NSL1: variants seen among roughly 807,000 people sequenced by gnomAD.
The protein encoded by NSL1 is kinetochore-associated protein NSL1 homolog.
A neutral mutation model predicts 25.4 loss-of-function variants in NSL1; 11 were observed. The ratio of observed to expected loss-of-function variants is 0.43; its 90% CI spans 0.27 to 0.72. The LOEUF is 0.72. Among genes scored for constraint, NSL1 ranks in the 30% least tolerant of loss-of-function variants. The probability of loss-of-function intolerance (pLI) is 0.19; values close to 1 mark genes in which losing one functional copy is unlikely to be tolerated. For missense variants in NSL1, 330 were observed against 342.7 expected (o/e 0.96, Z 0.29); for synonymous variants, 118 against 120.6 (o/e 0.98, Z 0.14).
In NSL1 at chr1:212,739,971, G is replaced by T. The variant is rs141349638; in HGVS notation, c.500-370C>A. Reference sequence around the variant, plus strand: ...AATTTTATAAAAGTAACACATATTCGATCTTAGAATATACAATCACACTGC... The same window carrying T: ...AATTTTATAAAAGTAACACATATTCTATCTTAGAATATACAATCACACTGC... On this transcript the variant is annotated intron_variant, in intron 4 of 5. Coordinates refer to ENST00000366977, the MANE Select transcript of NSL1 (RefSeq NM_015471.4). Among the ~76,000 whole-genome samples, 209 of 152,070 alleles carry T rather than the reference G, an allele frequency of 1.4e-3. 1 individual carries two copies. The highest frequency in any genetic ancestry group is 3.4e-3 in the Middle Eastern group (1 of 294).
Position 212,745,172 on chromosome 1 carries a change from A to AC in NSL1, c.500-5572_500-5571insG, listed in dbSNP as rs1220047100. 1.2e-3 allele frequency among the ~76,000 whole-genome samples: 35 copies of AC among 28,724 alleles called. No homozygotes were observed. In the South Asian group the frequency reaches 0.015, roughly 12 times the overall value. 18.8% of individuals were successfully genotyped at this position (28,724 alleles called of 152,430 possible). A position where few individuals can be genotyped will look rare whatever the true frequency, so the allele number is the denominator to read the frequency against. ...ACAAACAAACAAACTATATATATATATATATATATATATATATATATATAT... is the reference window on the plus strand; with the variant it reads ...ACAAACAAACAAACTATATATATATACTATATATATATATATATATATATAT... On this transcript the variant is annotated intron_variant, in intron 4 of 5. Coordinates refer to ENST00000366977, the MANE Select transcript of NSL1 (RefSeq NM_015471.4).
rs1270356794 is a variant in NSL1, at chr1:212,726,445, CCTG to C, written c.*11960_*11962del. 3.9e-5 allele frequency: 6 copies of C among 152,250 alleles called. No homozygotes were observed. Among genetic ancestry groups the C allele is most frequent in the African/African-American group, 1.4e-4 (6 of 41,426 alleles). 9.4% of individuals were successfully genotyped at this position (152,250 alleles called of 1,614,324 possible). ...GAAGACTTGGTATTTTTCAGATTTCCCTGCTGTTTATCAAGATGGCATATGGGT... is the reference window on the plus strand; with the variant it reads ...GAAGACTTGGTATTTTTCAGATTTCCCTGTTTATCAAGATGGCATATGGGT... On this transcript the variant is annotated 3_prime_UTR_variant, in exon 6 of 6. Transcript: ENST00000366977.
At chr1:212,746,820 A>T (rs1342968065) in intron 4 of NSL1, among the ~76,000 whole-genome samples, 2 of 152,254 alleles carry the variant, frequency 1.3e-5, no homozygotes, top group African/African-American at 2.4e-5. Flanking sequence ...CCACAACAAA[A>T]AATAAGCATC....
chr1:212,784,364 A>G lies in NSL1; in HGVS notation c.443T>C (p.Leu148Pro). Residue 148 changes from leucine to proline, a missense_variant and splice_region_variant, in exon 3 of 6, where the codon CTG (leucine) becomes CCG (proline). Transcript: ENST00000366977. ...CATTTTAAAGGCAAATCATCTTACC[A>G]GAATTTCTTGTTTTGCTTTTATGGT... ...IKTIKAKQEI[L>P]KQYHPVVHPL... The G allele has an allele frequency of 1.3e-6, 2 of 1,566,398 alleles. No individual in the cohort carries two copies. The highest frequency in any genetic ancestry group is 1.8e-5 in the Admixed American group (1 of 55,788).
Position 212,736,640 on chromosome 1 carries a change from C to G in NSL1, c.*1768G>C, listed in dbSNP as rs1324163091. ...TATAACTATGGAGTAAAACTTTGGG[C>G]TCTCAAGAGGATTTCAAATCTCAGC... On this transcript the variant is annotated 3_prime_UTR_variant, in exon 6 of 6. Coordinates refer to ENST00000366977, the MANE Select transcript of NSL1 (RefSeq NM_015471.4). The G allele has an allele frequency of 2.0e-6, 2 of 985,144 alleles. No homozygotes were observed. Among genetic ancestry groups the G allele is most frequent in the Admixed American group, 1.2e-4 (2 of 16,270 alleles). The allele number at this position is 985,144 out of a possible 1,614,324, so 61.0% of individuals were successfully genotyped here. A position where few individuals can be genotyped will look rare whatever the true frequency, so the allele number is the denominator to read the frequency against.
rs541023461 is a variant in NSL1, at chr1:212,733,785, T to C, written c.*4623A>G. On this transcript the variant is annotated 3_prime_UTR_variant, in exon 6 of 6. Transcript: ENST00000366977. ...ACAAACATTTGTGTGTAAGTTATTG[T>C]GTGAGCATGTTTTCAATTCTCTTAG... Among the ~76,000 whole-genome samples, 1 of 152,374 alleles carries C rather than the reference T, an allele frequency of 6.6e-6. No individual in the cohort carries two copies. Among genetic ancestry groups the C allele is most frequent in the Admixed American group, 6.5e-5 (1 of 15,310 alleles).
chr1:212,779,590 C>T (rs1279195820), intron 4 of NSL1, among the ~76,000 whole-genome samples: 4 of 122,042 alleles, frequency 3.3e-5, no homozygotes, highest in Non-Finnish European at 6.9e-5. Flanking sequence ...CCAGCCACCC[C>T]GTCCGGGAGG....
rs1407261988 is a variant in NSL1 at position 212,737,047 on chromosome 1, A to G, written c.*1361T>C. ...AACAGCAACATATTATACAGCCTCA[A>G]AACAGTTTTAAACTGAAGTCTAGTA... On this transcript the variant is annotated 3_prime_UTR_variant, in exon 6 of 6. Coordinates refer to ENST00000366977, the MANE Select transcript of NSL1 (RefSeq NM_015471.4). 2.0e-6 allele frequency: 2 copies of G among 985,310 alleles called. No individual in the cohort carries two copies. The highest frequency in any genetic ancestry group is 3.5e-5 in the African/African-American group (2 of 57,246). 61.0% of individuals were successfully genotyped at this position (985,310 alleles called of 1,614,324 possible).
rs1294013713 is a variant in NSL1 at position 212,735,088 on chromosome 1, TATGTAACTTGCCCA to T, written c.*3306_*3319del. On this transcript the variant is annotated 3_prime_UTR_variant, in exon 6 of 6. Coordinates refer to ENST00000366977, the MANE Select transcript of NSL1 (RefSeq NM_015471.4). Reference sequence around the variant, plus strand: ...TGAGAAAACTGCAGCATAGACAGGTTATGTAACTTGCCCAATGTCACTGAACTAATAATGGTAGA... The same window carrying T: ...TGAGAAAACTGCAGCATAGACAGGTTATGTCACTGAACTAATAATGGTAGA... Among the ~76,000 whole-genome samples the T allele has an allele frequency of 6.6e-6, 1 of 152,246 alleles. No individual in the cohort carries two copies. The highest frequency in any genetic ancestry group is 1.5e-5 in the Non-Finnish European group (1 of 68,040).
At chr1:212,784,908 A>G (rs2102404537) in intron 2 of NSL1, among the ~76,000 whole-genome samples, 1 of 152,362 alleles carries the variant, frequency 6.6e-6, no homozygotes, top group South Asian at 2.1e-4. Flanking sequence ...TTGAAATAGA[A>G]GTATAAGTCC....
chr1:212,771,266 A>G (rs1053773066), intron 4 of NSL1, among the ~76,000 whole-genome samples: 12 of 152,284 alleles, frequency 7.9e-5, no homozygotes, highest in South Asian at 4.2e-4. Context: ...GTGAGCTGAG[A>G]TTGTGCCATT....
intron 4 of NSL1, among the ~76,000 whole-genome samples, chr1:212,779,578 G>A (rs1280371192): frequency 2.7e-5 from 3 of 111,366 alleles, no homozygotes; most frequent in Non-Finnish European, 3.7e-5. Flanking sequence ...CCCCCCACCC[G>A]GCCAGCCACC....
At chr1:212,787,734 G>GAAAC (rs201920322) in intron 1 of NSL1, 97 bp from the exon 2 acceptor site, 2 of 687,196 alleles carry the variant, frequency 2.9e-6, no homozygotes, top group Non-Finnish European at 4.8e-6. Context: ...TGTGACAGAG[G>GAAAC]AAATAAAAGT....
At chr1:212,771,295 T>C (rs1475749718) in intron 4 of NSL1, among the ~76,000 whole-genome samples, 1 of 151,938 alleles carries the variant, frequency 6.6e-6, no homozygotes, top group East Asian at 1.9e-4. Flanking sequence ...GCCTGGGCAA[T>C]AAGTGCAAAA....
intron 4 of NSL1, 143 bp from the exon 5 acceptor site, chr1:212,739,744 A>C: frequency 7.3e-6 from 5 of 685,776 alleles, no homozygotes; most frequent in Non-Finnish European, 9.8e-6. Flanking sequence ...AATCTTTCTC[A>C]GAGTGAGACC....
intron 1 of NSL1, among the ~76,000 whole-genome samples, chr1:212,789,122 A>G (rs1403416980): frequency 6.6e-6 from 1 of 152,182 alleles, no homozygotes; most frequent in Non-Finnish European, 1.5e-5. Context: ...AATAACATAA[A>G]CCAAATTACT....
Position 212,738,420 on chromosome 1 carries a change from A to G in NSL1, c.834T>C (p.Asn278=). The change falls in exon 6 of 6, where the codon AAT becomes AAC. Residue 278 remains asparagine (N), a synonymous_variant. Coordinates refer to ENST00000366977, the MANE Select transcript of NSL1 (RefSeq NM_015471.4). ...KWYPLRPKKI[N]LDT ...AAACAGAAAGAGCTCATGTATCAAG[A>G]TTAATTTTCTTTGGCCGCAATGGAT... 6.2e-7 allele frequency: 1 copy of G among 1,611,400 alleles called. No homozygotes were observed.
At chr1:212,769,809 G>A (rs1048731762) in intron 4 of NSL1, among the ~76,000 whole-genome samples, 4 of 152,032 alleles carry the variant, frequency 2.6e-5, no homozygotes, top group African/African-American at 9.7e-5. Flanking sequence ...AAAACAACCA[G>A]AACTCAACTA....
At chr1:212,766,406 A>G in intron 4 of NSL1, 2 of 422,176 alleles carry the variant, frequency 4.7e-6, no homozygotes, top group East Asian at 7.1e-5. Flanking sequence ...ACTGTTTGCC[A>G]GTGATATGAT....
Sources: allele counts gnomAD v4.1 joint callset (sites outside exome capture counted in the v4.1 genomes callset), GRCh38; gene constraint gnomAD v4.1.1; transcripts MANE v1.5; gene names NCBI Gene and HGNC (gene_info 2026-07-23, HGNC 2026-07-21).